CORO2B: variants seen among roughly 807,000 people sequenced by gnomAD.
The protein encoded by CORO2B is coronin 2B.
A neutral mutation model predicts 58.8 loss-of-function variants in CORO2B; 26 were observed. That is an observed-to-expected ratio of 0.44 (90% CI 0.32 to 0.61). CORO2B has a LOEUF of 0.61. Among genes scored for constraint, CORO2B ranks in the 20% least tolerant of loss-of-function variants. The pLI, the probability that CORO2B is intolerant of heterozygous loss-of-function variation, is 0.04. For synonymous variants in CORO2B, 242 were observed against 253.8 expected, an observed-to-expected ratio of 0.95 and a Z score of 0.44; for missense variants, 460 against 645.1, an observed-to-expected ratio of 0.71 and a Z score of 3.11.
chr15:68,543,781 C>A, the CORO2B span, among the ~76,000 whole-genome samples: 2 of 152,154 alleles, frequency 1.3e-5, no homozygotes, highest in Non-Finnish European at 2.9e-5. Flanking sequence ...CTCCTTCCTG[C>A]CTTAGTCCCT....
chr15:68,675,622 A>G (rs1902557660), intron 2 of CORO2B, among the ~76,000 whole-genome samples: 1 of 152,176 alleles, frequency 6.6e-6, no homozygotes, highest in Non-Finnish European at 1.5e-5. Context: ...TCCTCCACAG[A>G]GGTAGTGAGA....
chr15:68,714,776 C>A, intron 7 of CORO2B, 113 bp downstream of exon 7: 1 of 782,452 alleles, frequency 1.3e-6, no homozygotes, highest in East Asian at 2.5e-5. Context: ...TTCCAAGTTC[C>A]TGGGCCTCAC....
Position 68,719,438 on chromosome 15 carries a change from A to C in CORO2B, c.1197A>C (p.Glu399Asp), listed in dbSNP as rs1196837181. The change falls in exon 11 of 12, where the codon GAA becomes GAC. Residue 399 changes from glutamate (E) to aspartate (D), a missense_variant. Physicochemically the swap from Glu to Asp is conservative, Grantham distance 45. This residue lies in a region of CORO2B where 108 missense variants were observed against 102.1 expected (regional missense o/e 1.06). Transcript: ENST00000261861. Reference sequence around the variant, plus strand: ...ATCCCGTGCTGATGTCTTTGAAAGAAGGCTATAAGAAGTCCTCAAAAATGG... The same window carrying C: ...ATCCCGTGCTGATGTCTTTGAAAGACGGCTATAAGAAGTCCTCAAAAATGG... ...NRDPVLMSLK[E>D]GYKKSSKMVF... The C allele has an allele frequency of 1.9e-6, 3 of 1,614,084 alleles. No individual in the cohort carries two copies. In the Admixed American group the frequency reaches 5.0e-5, roughly 27 times the overall value.
chr15:68,725,681 G>A (rs1202201526), intron 11 of CORO2B, among the ~76,000 whole-genome samples, 162 bp from the exon 12 acceptor site: 1 of 151,952 alleles, frequency 6.6e-6, no homozygotes, highest in African/African-American at 2.4e-5. Context: ...GATGGGAGAG[G>A]TGCAATAAAT....
chr15:68,519,315 G>C, the CORO2B span, among the ~76,000 whole-genome samples: 1 of 152,130 alleles, frequency 6.6e-6, no homozygotes, highest in Non-Finnish European at 1.5e-5. Flanking sequence ...AAATGAAAAA[G>C]AGGAAATAGG....
At chr15:68,647,774 A>T (rs553943024) in intron 2 of CORO2B, among the ~76,000 whole-genome samples, 9 of 150,574 alleles carry the variant, frequency 6.0e-5, no homozygotes, top group Admixed American at 1.3e-4. Context: ...TTGGGAGGCC[A>T]AGGCAGGAAG....
intron 2 of CORO2B, among the ~76,000 whole-genome samples, chr15:68,650,310 T>G: frequency 7.9e-6 from 1 of 126,894 alleles, no homozygotes; most frequent in African/African-American, 3.1e-5. Context: ...TGAGCTGAGA[T>G]CGCGCCACTG....
chr15:68,536,867 C>G, the CORO2B span, among the ~76,000 whole-genome samples: 6 of 152,230 alleles, frequency 3.9e-5, no homozygotes, highest in Admixed American at 2.0e-4. Context: ...ATCAGCCCTT[C>G]CTCCTTCCTA....
chr15:68,535,217 C>G, the CORO2B span, among the ~76,000 whole-genome samples: 1 of 152,190 alleles, frequency 6.6e-6, no homozygotes, highest in South Asian at 2.1e-4. Context: ...AGTTTTGATC[C>G]CAAAGGTAGA....
chr15:68,716,393 A>G (rs889914995), intron 8 of CORO2B, among the ~76,000 whole-genome samples: 3 of 152,240 alleles, frequency 2.0e-5, no homozygotes, highest in African/African-American at 7.2e-5. Flanking sequence ...CACCTGGCAG[A>G]GCACTTGACT....
intron 1 of CORO2B, among the ~76,000 whole-genome samples, chr15:68,595,404 A>G (rs1268665853): frequency 1.3e-5 from 2 of 152,216 alleles, no homozygotes; most frequent in Non-Finnish European, 2.9e-5. Context: ...GCACTTCCCC[A>G]TGACAGTGGG....
the CORO2B span, among the ~76,000 whole-genome samples, chr15:68,552,345 G>T: frequency 6.6e-6 from 1 of 152,046 alleles, no homozygotes; most frequent in South Asian, 2.1e-4. Context: ...ATCACAAAAG[G>T]ACCCCTGTTC....
At chr15:68,689,224 C>T (rs1172441192) in intron 2 of CORO2B, among the ~76,000 whole-genome samples, 2 of 152,034 alleles carry the variant, frequency 1.3e-5, no homozygotes, top group African/African-American at 2.4e-5. Flanking sequence ...TAGGTCTCTT[C>T]CTCCACCCTC....
At chr15:68,542,676 G>A in the CORO2B span, among the ~76,000 whole-genome samples, 1 of 152,250 alleles carries the variant, frequency 6.6e-6, no homozygotes, top group Non-Finnish European at 1.5e-5. Flanking sequence ...AAGCAGGAAG[G>A]AGACATAGCC....
At chr15:68,673,871 G>A (rs933031531) in intron 2 of CORO2B, among the ~76,000 whole-genome samples, 1 of 146,176 alleles carries the variant, frequency 6.8e-6, no homozygotes, top group Non-Finnish European at 1.5e-5. Context: ...ACAGTGTCCC[G>A]CTAAGACCCA....
the CORO2B span, among the ~76,000 whole-genome samples, chr15:68,545,611 G>GGGGGGGGGGAATA: frequency 4.3e-5 from 3 of 69,326 alleles, no homozygotes; most frequent in Non-Finnish European, 5.8e-5. Flanking sequence ...AATGCGGGGG[G>GGGGGGGGGGAATA]CGGGGGGGGT....
At chr15:68,654,110 A>G (rs548480863) in intron 2 of CORO2B, among the ~76,000 whole-genome samples, 5 of 152,302 alleles carry the variant, frequency 3.3e-5, no homozygotes, top group African/African-American at 1.2e-4. Flanking sequence ...ACTTTATTTC[A>G]TTTGTCTGAG....
chr15:68,617,134 C>G lies in CORO2B; in HGVS notation c.16-28026C>G, dbSNP rs555502931. Among the ~76,000 whole-genome samples the G allele has an allele frequency of 5.3e-5, 8 of 152,150 alleles. No homozygotes were observed. In the East Asian group the frequency reaches 1.6e-3, roughly 29 times the overall value. The stretch of plus-strand genomic sequence containing the variant: ...GAGCCAGGTCTGTCAGCCTTCAAGC[C>G]CGTGCTTTCCAACAACATTGGCTTT... On this transcript the variant is annotated intron_variant, in intron 1 of 11. Transcript: ENST00000261861.
intron 1 of CORO2B, among the ~76,000 whole-genome samples, chr15:68,598,419 T>A (rs1899894457): frequency 6.6e-6 from 1 of 152,206 alleles, no homozygotes; most frequent in Admixed American, 6.5e-5. Context: ...TGGTCAGTGA[T>A]TTTTACTAAT....
Sources: allele counts gnomAD v4.1 joint callset (sites outside exome capture counted in the v4.1 genomes callset), GRCh38; gene constraint gnomAD v4.1.1; regional missense constraint gnomAD v4.1.1; transcripts MANE v1.5; gene names NCBI Gene and HGNC (gene_info 2026-07-23, HGNC 2026-07-21).